Variants in MAD1L1 observed in about 807,000 individuals in gnomAD.
MAD1L1 encodes mitotic spindle assembly checkpoint protein MAD1.
In MAD1L1, 95 loss-of-function variants were observed where a neutral mutation model predicts 96.9. The observed-to-expected ratio is 0.98, with a 90% CI of 0.83 to 1.16. The LOEUF (loss-of-function observed/expected upper bound fraction) is 1.16, where lower values mean the gene tolerates loss of function less well. Ranked by LOEUF, MAD1L1 falls within the 50% of genes most tolerant of loss-of-function variation. MAD1L1 has a pLI of 0.00. For missense variants in MAD1L1, 1,007 were observed against 954.4 expected (o/e 1.06, Z -0.73); for synonymous variants, 473 against 396.6 (o/e 1.19, Z -2.29).
At chr7:1,909,149 G>A (rs749273573) in intron 17 of MAD1L1, among the ~76,000 whole-genome samples, 127 of 152,196 alleles carry the variant, frequency 8.3e-4, no homozygotes, top group Non-Finnish European at 1.1e-3. Context: ...AGTAGGTGAC[G>A]CAGAGGCCTC....
intron 12 of MAD1L1, among the ~76,000 whole-genome samples, chr7:2,039,853 AT>A (rs964670559): frequency 6.6e-6 from 1 of 152,032 alleles, no homozygotes; most frequent in Admixed American, 6.6e-5. Flanking sequence ...CGGGGCAAAA[AT>A]TTTAATCTTG....
chr7:1,978,635 C>G (rs1009216583), intron 15 of MAD1L1, among the ~76,000 whole-genome samples: 1 of 152,174 alleles, frequency 6.6e-6, no homozygotes, highest in African/African-American at 2.4e-5. Flanking sequence ...CACACACAGC[C>G]CCCAACCCCA....
chr7:2,124,813 G>A (rs965774047), intron 11 of MAD1L1, among the ~76,000 whole-genome samples: 11 of 152,178 alleles, frequency 7.2e-5, no homozygotes, highest in African/African-American at 1.4e-4. Flanking sequence ...TGCCAAGCAC[G>A]GTGACATCAC....
At chr7:1,957,498 G>A (rs1779775796) in intron 16 of MAD1L1, 131 bp downstream of exon 16, 3 of 882,490 alleles carry the variant, frequency 3.4e-6, no homozygotes, top group South Asian at 3.2e-5. Context: ...GTGCACATGG[G>A]AGGGAGGAGA....
chr7:1,984,695 C>T (rs188809815), intron 14 of MAD1L1, among the ~76,000 whole-genome samples: 1 of 152,338 alleles, frequency 6.6e-6, no homozygotes, highest in Non-Finnish European at 1.5e-5. Context: ...ACCAGGATGC[C>T]TTTGCTTCCC....
chr7:2,039,570 T>C (rs1191393112), intron 12 of MAD1L1, among the ~76,000 whole-genome samples: 3 of 152,240 alleles, frequency 2.0e-5, no homozygotes, highest in African/African-American at 7.2e-5. Context: ...GACACCTCAC[T>C]GTGGTTTTAA....
intron 10 of MAD1L1, among the ~76,000 whole-genome samples, chr7:2,209,144 G>C (rs1792755761): frequency 1.3e-5 from 2 of 152,192 alleles, no homozygotes; most frequent in Non-Finnish European, 2.9e-5. Context: ...CATGTGCCCA[G>C]GCCTGTGTGA....
At chr7:2,030,782 C>G (rs1197577378) in intron 12 of MAD1L1, among the ~76,000 whole-genome samples, 1 of 152,316 alleles carries the variant, frequency 6.6e-6, no homozygotes, top group Admixed American at 6.5e-5. Context: ...TCCGGGGCCC[C>G]GTGGGAGGCG....
intron 10 of MAD1L1, among the ~76,000 whole-genome samples, chr7:2,182,046 G>C (rs575250207): frequency 6.6e-6 from 1 of 151,948 alleles, no homozygotes; most frequent in Non-Finnish European, 1.5e-5. Flanking sequence ...TCAGGTGACA[G>C]GTGCACCAAA....
chr7:1,978,284 C>T (rs1780738016), intron 15 of MAD1L1, among the ~76,000 whole-genome samples: 1 of 152,238 alleles, frequency 6.6e-6, no homozygotes. Context: ...TCTCCGAGGC[C>T]TCCAGGCCCG....
At chr7:2,085,101 T>C (rs1233605561) in intron 11 of MAD1L1, among the ~76,000 whole-genome samples, 1 of 152,164 alleles carries the variant, frequency 6.6e-6, no homozygotes, top group Non-Finnish European at 1.5e-5. Context: ...CCGGTCTTGC[T>C]CAGTCCTGAC....
intron 12 of MAD1L1, among the ~76,000 whole-genome samples, chr7:2,016,581 AT>A (rs1454643701): frequency 6.6e-6 from 1 of 152,156 alleles, no homozygotes; most frequent in Non-Finnish European, 1.5e-5. Flanking sequence ...CCCTCGGTCT[AT>A]CCCCCACAGG....
chr7:2,150,465 A>G (rs3823631), intron 10 of MAD1L1, among the ~76,000 whole-genome samples: 44,359 of 151,892 alleles, frequency 0.29, 8,153 homozygotes, highest in East Asian at 0.6. Context: ...AACCCTCATC[A>G]GCTCATCCAG....
chr7:2,057,473 C>G (rs1784429653), intron 12 of MAD1L1, among the ~76,000 whole-genome samples: 1 of 152,174 alleles, frequency 6.6e-6, no homozygotes, highest in African/African-American at 2.4e-5. Flanking sequence ...AAGATTGCAC[C>G]ACTGCACTCC....
Position 1,852,358 on chromosome 7 carries a change from T to A in MAD1L1, c.1999-36130A>T, listed in dbSNP as rs186585252. On this transcript the variant is annotated intron_variant, in intron 18 of 18. Coordinates refer to ENST00000265854, the MANE Select transcript of MAD1L1 (RefSeq NM_001013836.2). The stretch of plus-strand genomic sequence containing the variant: ...CTGGGAGGACCTGGCTTGGGGCTGG[T>A]GTCTCTGCCACCCTTAGACTCAGAG... Among the ~76,000 whole-genome samples, 508 of 152,234 alleles carry A rather than the reference T, an allele frequency of 3.3e-3. 2 individuals carry two copies. Among genetic ancestry groups the A allele is most frequent in the African/African-American group, 0.011 (470 of 41,536 alleles).
chr7:2,170,555 T>C (rs1790659083), intron 10 of MAD1L1, among the ~76,000 whole-genome samples: 1 of 152,054 alleles, frequency 6.6e-6, no homozygotes, highest in Admixed American at 6.5e-5. Flanking sequence ...GAGGACTTCA[T>C]CGTGACATCG....
At chr7:2,216,102 G>A in intron 8 of MAD1L1, 55 bp downstream of exon 8, 1 of 1,608,058 alleles carries the variant, frequency 6.2e-7, no homozygotes, top group East Asian at 2.2e-5. Flanking sequence ...TGGGCTCCAT[G>A]TGCACAAACC....
At chr7:2,128,646 A>T (rs1788354015) in intron 11 of MAD1L1, among the ~76,000 whole-genome samples, 1 of 152,242 alleles carries the variant, frequency 6.6e-6, no homozygotes, top group Non-Finnish European at 1.5e-5. Context: ...ATGTGTCTGC[A>T]AGAGGGCTGA....
At chr7:1,845,014 G>C (rs984513475) in intron 18 of MAD1L1, among the ~76,000 whole-genome samples, 1 of 152,238 alleles carries the variant, frequency 6.6e-6, no homozygotes, top group Non-Finnish European at 1.5e-5. Flanking sequence ...GAGGCTCCTG[G>C]ACTCACAGTG....
Sources: gnomAD v4.1 joint callset for allele counts (sites outside exome capture counted in the v4.1 genomes callset) on GRCh38, gnomAD v4.1.1 for gene constraint, MANE v1.5 for transcripts, NCBI Gene and HGNC (gene_info 2026-07-23, HGNC 2026-07-21) for gene names.